ALPK2: variants seen among roughly 807,000 people sequenced by gnomAD.
The protein encoded by ALPK2 is alpha-protein kinase 2.
ALPK2 carries 127 observed loss-of-function variants against 163.1 expected under a neutral mutation model. That is an observed-to-expected ratio of 0.78 (90% CI 0.67 to 0.90). ALPK2 has a LOEUF of 0.90. Among genes scored for constraint, ALPK2 ranks in the 40% least tolerant of loss-of-function variants. The pLI is 0.00. For missense variants in ALPK2, 2,360 were observed against 2,589.6 expected (o/e 0.91, Z 1.92); for synonymous variants, 953 against 959.1 (o/e 0.99, Z 0.12).
At chr18:58,530,377 AACAAGTACGTATTGATGGCAAACCCGC>A (rs2051606787) in intron 5 of ALPK2, among the ~76,000 whole-genome samples, 1 of 152,248 alleles carries the variant, frequency 6.6e-6, no homozygotes, top group African/African-American at 2.4e-5. Flanking sequence ...GAGAAAATGT[AACAAGTACGTATTGATGGCAAACCCGC>A]ATCAGTGCAT....
intron 5 of ALPK2, 96 bp from the exon 6 acceptor site, chr18:58,529,334 T>C: frequency 1.6e-6 from 2 of 1,278,086 alleles, no homozygotes; most frequent in Non-Finnish European, 2.1e-6. Context: ...GGAATATTAA[T>C]TATTATCCCC....
chr18:58,557,045 G>A (rs989959192), intron 4 of ALPK2: 1 of 152,406 alleles, frequency 6.6e-6, no homozygotes, highest in Admixed American at 6.5e-5. Flanking sequence ...ATGGCCTGGA[G>A]GCAGGGTGGC....
intron 4 of ALPK2, among the ~76,000 whole-genome samples, chr18:58,538,806 G>A (rs1355321484): frequency 2.0e-5 from 3 of 152,110 alleles, no homozygotes; most frequent in Admixed American, 2.0e-4. Context: ...CTTACGAATA[G>A]ATTTATGCCA....
At position 58,537,026 on chromosome 18, in the gene ALPK2, T is replaced by G. The variant is rs1037254677; in HGVS notation, c.3161A>C (p.Gln1054Pro). Residue 1054 changes from glutamine (Q) to proline (P), a missense_variant, in exon 5 of 13, where the codon CAA becomes CCA. Coordinates refer to ENST00000361673, the MANE Select transcript of ALPK2 (RefSeq NM_052947.4). The part of the protein sequence containing the change: ...SHEKVSQFPS[Q>P]VQLDHILSGA... ...ACTTAAAATATGATCCAACTGCACT[T>G]GGGAAGGAAATTGGGAAACCTTTTC... 6.2e-7 allele frequency: 1 copy of G among 1,613,882 alleles called. No homozygotes were observed. The highest frequency in any genetic ancestry group is 2.2e-5 in the East Asian group (1 of 44,876).
rs575066434 is a variant in ALPK2 at position 58,561,012 on chromosome 18, A to G, written c.1962+17802T>C. Among the ~76,000 whole-genome samples, 7 of 152,274 alleles carry G rather than the reference A, an allele frequency of 4.6e-5. No homozygotes were observed. In the East Asian group the frequency reaches 1.2e-3, roughly 25 times the overall value. ...ATTTTTTTTATTATTTGGGATTACA[A>G]TGCTTCTGAAGTTGTCACACTTGCT... is the stretch of plus-strand genomic sequence containing the variant. On this transcript the variant is annotated intron_variant, in intron 4 of 12. Transcript: ENST00000361673.
intron 4 of ALPK2, among the ~76,000 whole-genome samples, chr18:58,571,934 C>A (rs1311056923): frequency 2.9e-5 from 4 of 136,396 alleles, no homozygotes; most frequent in African/African-American, 1.1e-4. Flanking sequence ...CAAGATCGTG[C>A]CACTGTACTC....
intron 10 of ALPK2, among the ~76,000 whole-genome samples, chr18:58,509,254 G>A (rs1412455013): frequency 1.3e-5 from 2 of 152,032 alleles, no homozygotes; most frequent in African/African-American, 4.8e-5. Flanking sequence ...TGGTATATAT[G>A]TGCCACATTT....
intron 2 of ALPK2, among the ~76,000 whole-genome samples, chr18:58,608,813 G>A (rs916739853): frequency 7.9e-5 from 12 of 152,076 alleles, no homozygotes; most frequent in Non-Finnish European, 1.0e-4. Context: ...TTATTTGGGT[G>A]TGGTGGTGTA....
In ALPK2 at chr18:58,537,910, A is replaced by G. The variant is rs755833263; in HGVS notation, c.2277T>C (p.His759=). Residue 759 remains histidine, a synonymous_variant, in exon 5 of 13, where the codon CAT becomes CAC. Transcript: ENST00000361673. ...AGTCAGCACGAGCATCCTTGGGGAG[A>G]TGCCTTGAGAACACACCTGGGGACA... The part of the protein sequence containing the change: ...ETMSPGVFSR[H]LPKDARADFR... 6.2e-7 allele frequency: 1 copy of G among 1,614,152 alleles called. No homozygotes were observed. The highest frequency in any genetic ancestry group is 1.1e-5 in the South Asian group (1 of 91,074).
chr18:58,572,952 C>T (rs549774893), intron 4 of ALPK2, among the ~76,000 whole-genome samples: 1 of 152,240 alleles, frequency 6.6e-6, no homozygotes, highest in Admixed American at 6.5e-5. Flanking sequence ...TGTAAAATGT[C>T]ACCATTGAGG....
intron 4 of ALPK2, among the ~76,000 whole-genome samples, chr18:58,574,220 G>A (rs865929293): frequency 7.3e-5 from 11 of 151,576 alleles, no homozygotes; most frequent in African/African-American, 1.7e-4. Context: ...GAGGCGGGGC[G>A]GATCACAAGG....
rs765606827 is a variant in ALPK2, at chr18:58,529,136, A to T, written c.5456T>A (p.Ile1819Asn). Residue 1819 changes from isoleucine (I) to asparagine (N), a missense_variant, in exon 6 of 13, where the codon ATC becomes AAC. Ile to Asn is a moderately radical substitution (Grantham distance 149, BLOSUM62 -3). Coordinates refer to ENST00000361673, the MANE Select transcript of ALPK2 (RefSeq NM_052947.4). ...GGACTTTGAATCTTTTGTCCAGCAG[A>T]TAGTAGAATCTTCATGAATTTCTGC... is the stretch of plus-strand genomic sequence containing the variant. ...QFAEIHEDSTICWTKDSKSIA... is the reference protein window; with the variant it reads ...QFAEIHEDSTNCWTKDSKSIA... 4 of 1,614,126 alleles carry T rather than the reference A, an allele frequency of 2.5e-6. No individual in the cohort carries two copies. In the South Asian group the frequency reaches 4.4e-5, roughly 18 times the overall value.
rs753996028 is a variant in ALPK2 at position 58,607,366 on chromosome 18, A to G, written c.183T>C (p.Tyr61=). ...GAATATACTGATTCTCAAAGAATTCATAGTTGGAAATAATGCCACTCCCAT... is the reference window on the plus strand; with the variant it reads ...GAATATACTGATTCTCAAAGAATTCGTAGTTGGAAATAATGCCACTCCCAT... ...AIDGSGIISN[Y]EFFENQYIHV... Residue 61 remains tyrosine, a synonymous_variant, in exon 3 of 13, where the codon TAT becomes TAC. Coordinates refer to ENST00000361673, the MANE Select transcript of ALPK2 (RefSeq NM_052947.4). 1.2e-6 allele frequency: 2 copies of G among 1,613,962 alleles called. No individual in the cohort carries two copies. Among genetic ancestry groups the G allele is most frequent in the South Asian group, 1.1e-5 (1 of 91,020 alleles).
intron 4 of ALPK2, among the ~76,000 whole-genome samples, chr18:58,568,440 A>G (rs2051867909): frequency 6.6e-6 from 1 of 152,156 alleles, no homozygotes; most frequent in African/African-American, 2.4e-5. Context: ...CCCAGGATTT[A>G]GCTCCATATG....
intron 4 of ALPK2, among the ~76,000 whole-genome samples, chr18:58,547,825 G>A (rs1183507905): frequency 6.6e-6 from 1 of 152,152 alleles, no homozygotes; most frequent in African/African-American, 2.4e-5. Context: ...ATGAGCCTGG[G>A]GTGAGTGGGA....
chr18:58,510,642 A>G (rs1322597904), intron 10 of ALPK2, among the ~76,000 whole-genome samples: 1 of 152,044 alleles, frequency 6.6e-6, no homozygotes, highest in Admixed American at 6.5e-5. Context: ...ATTCTCTTTG[A>G]AGCAATTGTG....
chr18:58,620,388 G>A (rs894939447), intron 1 of ALPK2, among the ~76,000 whole-genome samples: 9 of 152,130 alleles, frequency 5.9e-5, no homozygotes, highest in Non-Finnish European at 8.8e-5. Flanking sequence ...GAAGCCATAC[G>A]CAAGAGACCA....
chr18:58,598,213 G>A (rs2052050704), intron 3 of ALPK2, among the ~76,000 whole-genome samples: 1 of 152,270 alleles, frequency 6.6e-6, no homozygotes, highest in Non-Finnish European at 1.5e-5. Context: ...CCTGAAGGGA[G>A]TCCTGGAGGA....
At chr18:58,532,818 G>T (rs1245799383) in intron 5 of ALPK2, among the ~76,000 whole-genome samples, 2 of 152,158 alleles carry the variant, frequency 1.3e-5, no homozygotes, top group Non-Finnish European at 2.9e-5. Flanking sequence ...GGAAAGTGAG[G>T]CACCCAGAGG....
Sources: allele counts gnomAD v4.1 joint callset (sites outside exome capture counted in the v4.1 genomes callset), GRCh38; gene constraint gnomAD v4.1.1; transcripts MANE v1.5; gene names NCBI Gene and HGNC (gene_info 2026-07-23, HGNC 2026-07-21).